L3MBTL4: variants seen among roughly 807,000 people sequenced by gnomAD.
L3MBTL4 encodes lethal(3)malignant brain tumor-like protein 4.
In L3MBTL4, 70 loss-of-function variants were observed where a neutral mutation model predicts 84.5. The observed-to-expected ratio is 0.83, with a 90% CI of 0.68 to 1.01. L3MBTL4 has a LOEUF of 1.01. Among genes scored for constraint, L3MBTL4 ranks in the 50% least tolerant of loss-of-function variants. L3MBTL4 has a pLI of 0.00. For missense variants in L3MBTL4, 715 were observed against 754.8 expected (o/e 0.95, Z 0.62); for synonymous variants, 274 against 259.8 (o/e 1.05, Z -0.52).
At chr18:5,984,419 C>A (rs988684461) in intron 16 of L3MBTL4, among the ~76,000 whole-genome samples, 8 of 152,194 alleles carry the variant, frequency 5.3e-5, no homozygotes, top group Non-Finnish European at 7.3e-5. Context: ...AAAATGATTT[C>A]TCTTTAATGG....
chr18:6,104,428 A>C (rs903078754), intron 14 of L3MBTL4, among the ~76,000 whole-genome samples: 4 of 152,262 alleles, frequency 2.6e-5, no homozygotes, highest in Non-Finnish European at 4.4e-5. Context: ...ATGTGACAAC[A>C]TAGTTGAACC....
chr18:6,381,444 T>A (rs1380379967), intron 1 of L3MBTL4, among the ~76,000 whole-genome samples: 1 of 152,246 alleles, frequency 6.6e-6, no homozygotes, highest in Non-Finnish European at 1.5e-5. Context: ...CTATACAATT[T>A]GTTATGTTTT....
At chr18:6,266,971 T>C (rs1243090129) in intron 4 of L3MBTL4, among the ~76,000 whole-genome samples, 2 of 151,918 alleles carry the variant, frequency 1.3e-5, no homozygotes, top group African/African-American at 4.8e-5. Flanking sequence ...TAATAATTTC[T>C]GAGCCCCTGT....
intron 1 of L3MBTL4, among the ~76,000 whole-genome samples, chr18:6,405,906 C>G (rs1444072219): frequency 6.6e-6 from 1 of 152,216 alleles, no homozygotes. Context: ...GTCTGGGTGT[C>G]TGTGTGGTCC....
intron 4 of L3MBTL4, among the ~76,000 whole-genome samples, chr18:6,270,075 A>G (rs1486651821): frequency 6.6e-6 from 1 of 152,222 alleles, no homozygotes; most frequent in Non-Finnish European, 1.5e-5. Flanking sequence ...ATGCCTTAGA[A>G]TATGTGAGAA....
chr18:6,269,529 T>A lies in L3MBTL4; in HGVS notation c.128-5491A>T, dbSNP rs141878809. 3.6e-4 allele frequency among the ~76,000 whole-genome samples: 55 copies of A among 152,216 alleles called. 1 individual carries two copies. The East Asian group carries it at 9.9e-3, about 27-fold the overall frequency. On this transcript the variant is annotated intron_variant, in intron 4 of 18. Transcript: ENST00000317931. The stretch of plus-strand genomic sequence containing the variant: ...GACAATATATATTTATAGCCAAAAA[T>A]TAAGATGTTACAATTCACTGATCTA...
At chr18:6,216,581 T>C (rs1328104326) in intron 10 of L3MBTL4, among the ~76,000 whole-genome samples, 1 of 152,190 alleles carries the variant, frequency 6.6e-6, no homozygotes, top group South Asian at 2.1e-4. Flanking sequence ...CAGTTTATTT[T>C]ATATTTGTTT....
At chr18:6,144,134 T>A (rs1222929806) in intron 13 of L3MBTL4, among the ~76,000 whole-genome samples, 1 of 141,166 alleles carries the variant, frequency 7.1e-6, no homozygotes, top group Non-Finnish European at 1.5e-5. Flanking sequence ...AGGTGGAGCT[T>A]GCAGTGAGCT....
chr18:6,053,398 G>T (rs2056902806), intron 16 of L3MBTL4, among the ~76,000 whole-genome samples: 1 of 152,118 alleles, frequency 6.6e-6, no homozygotes, highest in Non-Finnish European at 1.5e-5. Context: ...AGTCACTTAT[G>T]TCCAATCCTA....
chr18:6,332,163 T>G (rs578242911), intron 1 of L3MBTL4, among the ~76,000 whole-genome samples: 1 of 152,118 alleles, frequency 6.6e-6, no homozygotes, highest in South Asian at 2.1e-4. Flanking sequence ...CTGACATAAT[T>G]TGAAAGCAGG....
chr18:6,004,369 AT>A (rs1173806879), intron 16 of L3MBTL4, among the ~76,000 whole-genome samples: 1 of 152,208 alleles, frequency 6.6e-6, no homozygotes, highest in Non-Finnish European at 1.5e-5. Context: ...TAGTTAGGAG[AT>A]TGAGTCAGTA....
chr18:6,341,287 G>A (rs1246347724), intron 1 of L3MBTL4, among the ~76,000 whole-genome samples: 1 of 151,888 alleles, frequency 6.6e-6, no homozygotes, highest in Non-Finnish European at 1.5e-5. Flanking sequence ...AAAAAAAATG[G>A]ATACCTATGA....
At chr18:6,005,686 A>G (rs2054444418) in intron 16 of L3MBTL4, among the ~76,000 whole-genome samples, 1 of 152,126 alleles carries the variant, frequency 6.6e-6, no homozygotes, top group Admixed American at 6.5e-5. Flanking sequence ...TTTTACGGCC[A>G]TGTAGTATTC....
intron 14 of L3MBTL4, among the ~76,000 whole-genome samples, chr18:6,107,946 A>T (rs1457082870): frequency 6.6e-6 from 1 of 152,202 alleles, no homozygotes; most frequent in Non-Finnish European, 1.5e-5. Context: ...CCCAAGTGAC[A>T]AGTGAGAAAC....
intron 4 of L3MBTL4, among the ~76,000 whole-genome samples, chr18:6,282,914 C>A (rs16949794): frequency 1.3e-5 from 2 of 151,946 alleles, no homozygotes; most frequent in Non-Finnish European, 1.5e-5. Context: ...TCAGATTGCC[C>A]AAGGGAAGTA....
At chr18:6,063,350 A>G (rs191873138) in intron 16 of L3MBTL4, among the ~76,000 whole-genome samples, 321 of 135,206 alleles carry the variant, frequency 2.4e-3, no homozygotes, top group African/African-American at 9.4e-3. Context: ...TCTTTTTAAT[A>G]TAATGACTTA....
At chr18:6,215,236 G>T (rs1331394768) in intron 11 of L3MBTL4, among the ~76,000 whole-genome samples, 2 of 152,052 alleles carry the variant, frequency 1.3e-5, no homozygotes, top group Non-Finnish European at 2.9e-5. Flanking sequence ...CTTTATTTTA[G>T]AAATTAATTT....
intron 12 of L3MBTL4, among the ~76,000 whole-genome samples, chr18:6,175,311 G>C (rs2044179588): frequency 6.6e-6 from 1 of 152,018 alleles, no homozygotes; most frequent in Non-Finnish European, 1.5e-5. Context: ...ATAAAAAACT[G>C]TCAACACAGA....
intron 16 of L3MBTL4, among the ~76,000 whole-genome samples, chr18:5,976,718 T>C (rs2052951959): frequency 6.6e-6 from 1 of 152,124 alleles, no homozygotes; most frequent in Admixed American, 6.5e-5. Context: ...GCTCAACAAA[T>C]ACCTGTTGAG....
Sources: gnomAD v4.1 joint callset for allele counts (sites outside exome capture counted in the v4.1 genomes callset) on GRCh38, gnomAD v4.1.1 for gene constraint, MANE v1.5 for transcripts, NCBI Gene and HGNC (gene_info 2026-07-23, HGNC 2026-07-21) for gene names.